Variants in USH2A observed in about 807,000 individuals in gnomAD.
The protein encoded by USH2A is usherin.
A neutral mutation model predicts 538.9 loss-of-function variants in USH2A; 443 were observed. The observed-to-expected ratio is 0.82, with a 90% CI of 0.76 to 0.89. The LOEUF (loss-of-function observed/expected upper bound fraction) is 0.89. Ranked by LOEUF, USH2A falls within the 40% of genes least tolerant of loss-of-function variation. The pLI is 0.00. For missense variants in USH2A, 6,633 were observed against 6,324.8 expected, an observed-to-expected ratio of 1.05 and a Z score of -1.65; for synonymous variants, 2,413 against 2,273.5, an observed-to-expected ratio of 1.06 and a Z score of -1.75.
rs577209939 is a variant in USH2A, at chr1:215,753,254, G to A, written c.11389+5341C>T. Among the ~76,000 whole-genome samples, 149 of 152,158 alleles carry A rather than the reference G, an allele frequency of 9.8e-4. 1 individual carries two copies. The Middle Eastern group carries it at 0.01, about 10-fold the overall frequency. On this transcript the variant is annotated intron_variant, in intron 58 of 71. Transcript: ENST00000307340. ...CAACCATTGTGGAAGTCAGTGTGGCGATTCCTCAGGGATCTTGAACTAGAA... is the reference window on the plus strand; with the variant it reads ...CAACCATTGTGGAAGTCAGTGTGGCAATTCCTCAGGGATCTTGAACTAGAA...
intron 21 of USH2A, among the ~76,000 whole-genome samples, chr1:216,128,538 C>T (rs1224609421): frequency 6.6e-6 from 1 of 152,104 alleles, no homozygotes; most frequent in Admixed American, 6.6e-5. Flanking sequence ...CTCTTCCTAT[C>T]TATCCTCGAA....
At chr1:216,254,031 T>C (rs570280892) in intron 11 of USH2A, among the ~76,000 whole-genome samples, 1 of 152,264 alleles carries the variant, frequency 6.6e-6, no homozygotes, top group East Asian at 1.9e-4. Context: ...TAATATTGCC[T>C]TGATTCTTGC....
intron 1 of USH2A, among the ~76,000 whole-genome samples, chr1:216,422,813 T>TTA (rs1047622768): frequency 3.3e-5 from 5 of 150,916 alleles, no homozygotes; most frequent in Admixed American, 1.3e-4. Context: ...TGTGTGTGTT[T>TTA]TATATATATA....
chr1:216,230,876 ACTCT>A (rs1553318004), intron 14 of USH2A, among the ~76,000 whole-genome samples: 328 of 75,154 alleles, frequency 4.4e-3, no homozygotes, highest in African/African-American at 0.012. Context: ...TCATAATCTC[ACTCT>A]CTCTCTCTCT....
chr1:215,824,566 T>A (rs940944729), intron 47 of USH2A, among the ~76,000 whole-genome samples: 1 of 152,110 alleles, frequency 6.6e-6, no homozygotes, highest in African/African-American at 2.4e-5. Flanking sequence ...TACAGTGTGG[T>A]GCTGCTGAAC....
At chr1:216,020,351 A>C (rs1561173) in intron 32 of USH2A, among the ~76,000 whole-genome samples, 69,446 of 151,896 alleles carry the variant, frequency 0.46, 16,451 homozygotes, top group East Asian at 0.7. Flanking sequence ...TACCCTACAT[A>C]GTATGGGTTG....
chr1:215,966,395 C>A (rs552449248), intron 36 of USH2A, among the ~76,000 whole-genome samples: 1 of 152,280 alleles, frequency 6.6e-6, no homozygotes, highest in African/African-American at 2.4e-5. Flanking sequence ...TCACAATTTA[C>A]TAAATATGTG....
At chr1:216,126,549 C>T (rs557711493) in intron 21 of USH2A, among the ~76,000 whole-genome samples, 88 of 152,162 alleles carry the variant, frequency 5.8e-4, no homozygotes, top group African/African-American at 1.7e-3. Context: ...TCAGACATTA[C>T]TCTAAGCACA....
chr1:216,341,755 C>T (rs766596353), intron 4 of USH2A, among the ~76,000 whole-genome samples: 60 of 152,136 alleles, frequency 3.9e-4, no homozygotes, highest in Non-Finnish European at 7.8e-4. Flanking sequence ...AAAAGATTCC[C>T]TATTTTATAA....
rs760177550 is a variant in USH2A at position 215,675,352 on chromosome 1, G to T, written c.12559C>A (p.Arg4187Ser). 9 of 1,613,934 alleles carry T rather than the reference G, an allele frequency of 5.6e-6. No individual in the cohort carries two copies. Among genetic ancestry groups the T allele is most frequent in the Non-Finnish European group, 6.8e-6 (8 of 1,180,038 alleles). Reference sequence around the variant, plus strand: ...AAGCATCTGCGAATCACTTCATAGCGAATTATTTTTCCATTTGGGTTAACA... The same window carrying T: ...AAGCATCTGCGAATCACTTCATAGCTAATTATTTTTCCATTTGGGTTAACA... Reference protein sequence around the residue: ...EPVNPNGKIIRYEVIRRCFEG... With the variant: ...EPVNPNGKIISYEVIRRCFEG... The change falls in exon 63 of 72, where the codon CGC becomes AGC. Residue 4187 changes from arginine (R) to serine (S), a missense_variant. By Grantham distance (110) the Arg-to-Ser change is moderately radical. Transcript: ENST00000307340.
intron 9 of USH2A, among the ~76,000 whole-genome samples, chr1:216,304,527 CT>C (rs1049684578): frequency 6.6e-6 from 1 of 151,822 alleles, no homozygotes; most frequent in Non-Finnish European, 1.5e-5. Flanking sequence ...TCTCAGCATA[CT>C]TTTTTTAATT....
rs538967466 is a variant in USH2A, at chr1:215,637,606, A to C, written c.15052+1549T>G. On this transcript the variant is annotated intron_variant, in intron 69 of 71. Coordinates refer to ENST00000307340, the MANE Select transcript of USH2A (RefSeq NM_206933.4). The stretch of plus-strand genomic sequence containing the variant: ...CTGTTCTATCCTACCACTGCTATTA[A>C]ATGAAATAAGCCGTATGAGAAGAAT... Among the ~76,000 whole-genome samples, 5 of 152,302 alleles carry C rather than the reference A, an allele frequency of 3.3e-5. No homozygotes were observed. In the East Asian group the frequency reaches 7.7e-4, roughly 23 times the overall value.
chr1:216,181,746 T>C (rs2034497899), intron 20 of USH2A, among the ~76,000 whole-genome samples: 1 of 152,070 alleles, frequency 6.6e-6, no homozygotes, highest in Non-Finnish European at 1.5e-5. Context: ...TTGAAGCTTT[T>C]ATGGGGCTTA....
intron 27 of USH2A, among the ~76,000 whole-genome samples, chr1:216,075,986 T>G (rs1344927426): frequency 4.6e-5 from 7 of 152,100 alleles, no homozygotes; most frequent in Non-Finnish European, 1.0e-4. Flanking sequence ...AGAAATACAT[T>G]AAATGAACAT....
intron 5 of USH2A, among the ~76,000 whole-genome samples, chr1:216,327,258 A>C (rs1571705719): frequency 6.6e-6 from 1 of 152,288 alleles, no homozygotes; most frequent in African/African-American, 2.4e-5. Context: ...CAGATGTAGA[A>C]GTTTCTCAAG....
At chr1:215,944,846 T>C (rs1666718904) in intron 37 of USH2A, among the ~76,000 whole-genome samples, 1 of 152,150 alleles carries the variant, frequency 6.6e-6, no homozygotes, top group African/African-American at 2.4e-5. Context: ...GTCCAAAACA[T>C]GAAACATCCC....
rs150191340 is a variant in USH2A, at chr1:216,419,148, C to G, written c.486-469G>C. Among the ~76,000 whole-genome samples, 529 of 152,176 alleles carry G rather than the reference C, an allele frequency of 3.5e-3. 3 individuals are homozygous for G. The highest frequency in any genetic ancestry group is 0.012 in the African/African-American group (513 of 41,550). On this transcript the variant is annotated intron_variant, in intron 2 of 71. Transcript: ENST00000307340. ...TGGTAGCCCTGAAGTCAGAATCACT[C>G]TATTTAATTCCCATGGTGAAATGAA... is the stretch of plus-strand genomic sequence containing the variant.
intron 30 of USH2A, among the ~76,000 whole-genome samples, chr1:216,066,491 T>C (rs2031375532): frequency 6.6e-6 from 1 of 151,958 alleles, no homozygotes; most frequent in Non-Finnish European, 1.5e-5. Flanking sequence ...ATAATAATAA[T>C]AATTGCTATC....
intron 52 of USH2A, 33 bp downstream of exon 52, chr1:215,786,637 T>G: frequency 6.2e-7 from 1 of 1,611,038 alleles, no homozygotes. Context: ...CTAACCCCAT[T>G]AAGCCATGGG....
Sources: gnomAD v4.1 joint callset for allele counts (sites outside exome capture counted in the v4.1 genomes callset) on GRCh38, gnomAD v4.1.1 for gene constraint, MANE v1.5 for transcripts, NCBI Gene and HGNC (gene_info 2026-07-23, HGNC 2026-07-21) for gene names.